DPP6: variants seen among roughly 807,000 people sequenced by gnomAD.
DPP6 encodes A-type potassium channel modulatory protein DPP6.
A neutral mutation model predicts 122.6 loss-of-function variants in DPP6; 69 were observed. The observed-to-expected ratio is 0.56, with a 90% CI of 0.46 to 0.69. The LOEUF is 0.69. Ranked by LOEUF, DPP6 falls within the 30% of genes least tolerant of loss-of-function variation. The pLI, the probability that DPP6 is intolerant of heterozygous loss-of-function variation, is 0.00. For synonymous variants in DPP6, 418 were observed against 433.1 expected (o/e 0.97, Z 0.43); for missense variants, 928 against 1,116.9 (o/e 0.83, Z 2.41).
At chr7:154,143,350 C>T (rs1388305623) in intron 1 of DPP6, among the ~76,000 whole-genome samples, 1 of 151,974 alleles carries the variant, frequency 6.6e-6, no homozygotes, top group Non-Finnish European at 1.5e-5. Context: ...GAATTATCAT[C>T]TGCAGTAGAT....
chr7:154,574,106 G>T (rs964498425), intron 5 of DPP6, among the ~76,000 whole-genome samples: 2 of 152,192 alleles, frequency 1.3e-5, no homozygotes, highest in African/African-American at 4.8e-5. Flanking sequence ...AAAAGCACAA[G>T]CTTAGGCATA....
chr7:154,175,721 C>CT (rs34496609), intron 1 of DPP6, among the ~76,000 whole-genome samples: 2,224 of 135,868 alleles, frequency 0.016, 92 homozygotes, highest in African/African-American at 0.05. Flanking sequence ...TGGAGACTGG[C>CT]TTTTTTTTTT....
At chr7:154,526,756 A>G (rs1827437277) in intron 3 of DPP6, among the ~76,000 whole-genome samples, 1 of 152,136 alleles carries the variant, frequency 6.6e-6, no homozygotes, top group Admixed American at 6.5e-5. Context: ...TACACACCTT[A>G]TTGCTTAAGA....
intron 1 of DPP6, among the ~76,000 whole-genome samples, chr7:153,895,190 T>C (rs1052886863): frequency 2.0e-5 from 3 of 152,176 alleles, no homozygotes; most frequent in African/African-American, 4.8e-5. Flanking sequence ...ATTATGTGTC[T>C]GAGGTCCCCC....
At chr7:154,570,739 C>T (rs80241817) in intron 5 of DPP6, among the ~76,000 whole-genome samples, 2,030 of 152,280 alleles carry the variant, frequency 0.013, 51 homozygotes, top group East Asian at 0.087. Context: ...CTTGAACATA[C>T]ACAAGTTAGC....
chr7:154,756,925 C>T (rs983683984), intron 8 of DPP6, among the ~76,000 whole-genome samples: 2 of 150,072 alleles, frequency 1.3e-5, no homozygotes, highest in Non-Finnish European at 3.0e-5. Flanking sequence ...CCCTGAAGAA[C>T]AGGCCAGCCC....
chr7:154,724,206 G>A lies in DPP6; in HGVS notation c.763-3561G>A, dbSNP rs530840578. Among the ~76,000 whole-genome samples the A allele has an allele frequency of 5.9e-5, 9 of 152,122 alleles. No homozygotes were observed. In the South Asian group the frequency reaches 1.9e-3, roughly 32 times the overall value. On this transcript the variant is annotated intron_variant, in intron 7 of 25. Coordinates refer to ENST00000377770, the MANE Select transcript of DPP6 (RefSeq NM_130797.4). ...CATGTAATATGTATCAAAATCTGAG[G>A]ACCACCAACATAGACCATCTCCCCC... is the stretch of plus-strand genomic sequence containing the variant.
chr7:154,667,700 C>T (rs952836565), intron 6 of DPP6, among the ~76,000 whole-genome samples: 5 of 152,088 alleles, frequency 3.3e-5, no homozygotes, highest in African/African-American at 9.7e-5. Context: ...CCAGCCTGAG[C>T]GATAGAGCAA....
At position 154,683,678 on chromosome 7, in the gene DPP6, C is replaced by G. The variant is rs79566511; in HGVS notation, c.762+14237C>G. The stretch of plus-strand genomic sequence containing the variant: ...GTTTTCCACTGCCTTTAGGATAGAA[C>G]CCAAACCCCTTCACATGCTTTGTGA... On this transcript the variant is annotated intron_variant, in intron 7 of 25. Transcript: ENST00000377770. Among the ~76,000 whole-genome samples the G allele has an allele frequency of 4.9e-4, 75 of 152,230 alleles. No homozygotes were observed. The East Asian group carries it at 0.014, about 28-fold the overall frequency.
At chr7:154,428,562 A>G (rs1042587474) in intron 1 of DPP6, among the ~76,000 whole-genome samples, 4 of 152,204 alleles carry the variant, frequency 2.6e-5, no homozygotes, top group African/African-American at 9.7e-5. Flanking sequence ...GCTTACTGCA[A>G]AAAAAATTCA....
In DPP6 at chr7:154,598,373, G is replaced by A. The variant is rs190176216; in HGVS notation, c.627+31457G>A. Among the ~76,000 whole-genome samples, 12 of 152,262 alleles carry A rather than the reference G, an allele frequency of 7.9e-5. No homozygotes were observed. In the East Asian group the frequency reaches 9.6e-4, roughly 12 times the overall value. ...TTGAACTTTAGATGTAAACTATGCC[G>A]AGCAAACATTTTTTCCAGGTAACGT... On this transcript the variant is annotated intron_variant, in intron 5 of 25. Coordinates refer to ENST00000377770, the MANE Select transcript of DPP6 (RefSeq NM_130797.4).
chr7:154,572,510 CTTTTTTTTTT>C (rs77816407), intron 5 of DPP6, among the ~76,000 whole-genome samples: 54 of 86,136 alleles, frequency 6.3e-4, no homozygotes, highest in East Asian at 3.0e-3. Flanking sequence ...TTTTTCTTTT[CTTTTTTTTTT>C]TTTTTTTTTT....
Position 154,052,892 on chromosome 7 carries a change from G to C in DPP6, c.72G>C (p.Ala24=), listed in dbSNP as rs1338753398. ...GGTCCTTCCCCGCGCCCCCGGAGGCGAGTCACCTCCTGGGCGGCCAGGGGC... is the reference window on the plus strand; with the variant it reads ...GGTCCTTCCCCGCGCCCCCGGAGGCCAGTCACCTCCTGGGCGGCCAGGGGC... ...TSRSFPAPPE[A]SHLLGGQGPE... is the part of the protein sequence containing the mutation. Residue 24 remains alanine (A), a synonymous_variant, in exon 1 of 26, where the codon GCG becomes GCC. Coordinates refer to ENST00000377770, the MANE Select transcript of DPP6 (RefSeq NM_130797.4). This position sits in a 1 kb window ranked among gnomAD's most constrained non-coding sequence, Gnocchi z 4.8. The C allele has an allele frequency of 2.6e-5, 40 of 1,529,476 alleles. No homozygotes were observed. Among genetic ancestry groups the C allele is most frequent in the Middle Eastern group, 3.5e-4 (2 of 5,748 alleles). The allele number at this position is 1,529,476 out of a possible 1,614,324, so 94.7% of individuals were successfully genotyped here.
intron 1 of DPP6, among the ~76,000 whole-genome samples, chr7:154,078,202 G>C (rs1204000077): frequency 6.6e-6 from 1 of 152,118 alleles, no homozygotes; most frequent in Non-Finnish European, 1.5e-5. Flanking sequence ...AGGTAGTTGT[G>C]TTGTCATCTG....
intron 1 of DPP6, among the ~76,000 whole-genome samples, chr7:154,383,469 G>C (rs924924549): frequency 6.6e-6 from 1 of 152,214 alleles, no homozygotes; most frequent in African/African-American, 2.4e-5. Context: ...AGGGCATGTT[G>C]ATTATTCCTA....
intron 1 of DPP6, among the ~76,000 whole-genome samples, chr7:154,199,618 C>CT (rs557819091): frequency 0.017 from 2,353 of 142,152 alleles, 24 homozygotes; most frequent in Non-Finnish European, 0.025. Flanking sequence ...TTTTTTTTTT[C>CT]TTTTTTTTTG....
chr7:154,555,896 TTAAA>T (rs1479064827), intron 4 of DPP6, among the ~76,000 whole-genome samples: 10 of 152,040 alleles, frequency 6.6e-5, no homozygotes, highest in Non-Finnish European at 1.5e-4. Context: ...TTGTATAATA[TTAAA>T]TAAGAAAACA....
chr7:154,295,286 T>C (rs1298404646), intron 1 of DPP6, among the ~76,000 whole-genome samples: 1 of 151,736 alleles, frequency 6.6e-6, no homozygotes, highest in Non-Finnish European at 1.5e-5. Flanking sequence ...ACACCGAATT[T>C]AGGGAGTGTG....
intron 3 of DPP6, among the ~76,000 whole-genome samples, chr7:154,492,889 A>G (rs1260149814): frequency 2.6e-5 from 4 of 152,178 alleles, no homozygotes; most frequent in African/African-American, 9.7e-5. Context: ...ATCTCACTGA[A>G]GGGTTGAGGC....
Sources: allele counts gnomAD v4.1 joint callset (sites outside exome capture counted in the v4.1 genomes callset), GRCh38; gene constraint gnomAD v4.1.1; non-coding constraint Gnocchi (gnomAD v3.1); transcripts MANE v1.5; gene names NCBI Gene and HGNC (gene_info 2026-07-23, HGNC 2026-07-21).